Variants in SH3PXD2B observed in about 807,000 individuals in gnomAD.
SH3PXD2B encodes the protein SH3 and PX domain-containing protein 2B.
SH3PXD2B carries 37 observed loss-of-function variants against 73.1 expected under a neutral mutation model. The observed-to-expected ratio is 0.51, with a 90% confidence interval of 0.39 to 0.67. The LOEUF (loss-of-function observed/expected upper bound fraction) is 0.67, where lower values mean the gene tolerates loss of function less well. Ranked by LOEUF, SH3PXD2B falls within the 30% of genes least tolerant of loss-of-function variation. The probability of loss-of-function intolerance (pLI) is 0.00; values close to 1 mark genes in which losing one functional copy is unlikely to be tolerated. For synonymous variants in SH3PXD2B, 457 were observed against 480.5 expected (o/e 0.95, Z 0.64); for missense variants, 1,053 against 1,197.8 (o/e 0.88, Z 1.78).
intron 4 of SH3PXD2B, among the ~76,000 whole-genome samples, chr5:172,390,999 G>T (rs900218083): frequency 6.6e-6 from 1 of 151,968 alleles, no homozygotes; most frequent in South Asian, 2.1e-4. Flanking sequence ...GCGCCACCTC[G>T]CCTGGCTAAT....
chr5:172,337,986 T>C lies in SH3PXD2B; in HGVS notation c.*383A>G, dbSNP rs1270017625. 20 of 1,151,134 alleles carry C rather than the reference T, an allele frequency of 1.7e-5. No individual in the cohort carries two copies. Among genetic ancestry groups the C allele is most frequent in the Admixed American group, 4.4e-5 (1 of 22,626 alleles). The allele number at this position is 1,151,134 out of a possible 1,614,324, so 71.3% of individuals were successfully genotyped here. On this transcript the variant is annotated 3_prime_UTR_variant, in exon 13 of 13. Coordinates refer to ENST00000311601, the MANE Select transcript of SH3PXD2B (RefSeq NM_001017995.3). ...GGGTTGGCTGCCCCTTACTGTGCCATGTCCAAGCCATGAGAGACCCTTGCT... is the reference window on the plus strand; with the variant it reads ...GGGTTGGCTGCCCCTTACTGTGCCACGTCCAAGCCATGAGAGACCCTTGCT...
intron 11 of SH3PXD2B, among the ~76,000 whole-genome samples, chr5:172,346,731 G>A (rs749690898): frequency 5.3e-5 from 8 of 151,892 alleles, no homozygotes; most frequent in South Asian, 2.1e-4. Context: ...TGAGGCAATC[G>A]GCACGCTGCA....
chr5:172,332,817 C>T (rs944950729), downstream of SH3PXD2B, among the ~76,000 whole-genome samples: 1 of 152,040 alleles, frequency 6.6e-6, no homozygotes, highest in African/African-American at 2.4e-5. Context: ...TGGGCACTGC[C>T]TTTGGGAAAG....
rs1181970993 is a variant in SH3PXD2B at position 172,335,917 on chromosome 5, A to C, written c.*2452T>G. The C allele has an allele frequency of 7.6e-6, 9 of 1,190,160 alleles. No homozygotes were observed. The highest frequency in any genetic ancestry group is 7.2e-5 in the East Asian group (2 of 27,746). The allele number at this position is 1,190,160 out of a possible 1,614,324, so 73.7% of individuals were successfully genotyped here. On this transcript the variant is annotated 3_prime_UTR_variant, in exon 13 of 13. Transcript: ENST00000311601. ...CAGTACCCGCGGGTCATGTCAGAATAATCATCATCATCATAGCAAAAGAGA... is the reference window on the plus strand; with the variant it reads ...CAGTACCCGCGGGTCATGTCAGAATCATCATCATCATCATAGCAAAAGAGA...
intron 4 of SH3PXD2B, among the ~76,000 whole-genome samples, chr5:172,388,314 T>C (rs1449347635): frequency 1.3e-5 from 2 of 152,210 alleles, no homozygotes. Flanking sequence ...TAGATCAAAT[T>C]GGCTTCAGTT....
At chr5:172,418,651 T>G (rs2113457138) in intron 2 of SH3PXD2B, among the ~76,000 whole-genome samples, 1 of 152,220 alleles carries the variant, frequency 6.6e-6, no homozygotes, top group Non-Finnish European at 1.5e-5. Flanking sequence ...GGGGTGTGTG[T>G]GGGGGAGGAG....
chr5:172,389,011 A>C (rs936804257), intron 4 of SH3PXD2B, among the ~76,000 whole-genome samples: 1 of 152,080 alleles, frequency 6.6e-6, no homozygotes, highest in Non-Finnish European at 1.5e-5. Context: ...TCTGGCTCTA[A>C]GAAACACACA....
intron 4 of SH3PXD2B, among the ~76,000 whole-genome samples, chr5:172,383,977 G>A (rs1758003448): frequency 6.6e-6 from 1 of 151,890 alleles, no homozygotes. Context: ...CTCCCTAGTA[G>A]CTGGGATTAC....
At chr5:172,378,770 C>G (rs1757875851) in intron 5 of SH3PXD2B, among the ~76,000 whole-genome samples, 1 of 152,184 alleles carries the variant, frequency 6.6e-6, no homozygotes, top group South Asian at 2.1e-4. Flanking sequence ...TCTTACCCAG[C>G]TTGAAAGTGG....
intron 5 of SH3PXD2B, among the ~76,000 whole-genome samples, chr5:172,376,717 T>G (rs1757830362): frequency 6.6e-6 from 1 of 152,024 alleles, no homozygotes; most frequent in Non-Finnish European, 1.5e-5. Flanking sequence ...AGGGTCAGAG[T>G]GGAATGTCCT....
chr5:172,383,467 T>A (rs1581295168), intron 4 of SH3PXD2B, among the ~76,000 whole-genome samples: 1 of 152,346 alleles, frequency 6.6e-6, no homozygotes, highest in South Asian at 2.1e-4. Context: ...CAGGGTACAC[T>A]CTGCTCGTTG....
intron 5 of SH3PXD2B, among the ~76,000 whole-genome samples, chr5:172,379,565 G>A (rs1757896838): frequency 6.6e-6 from 1 of 152,198 alleles, no homozygotes; most frequent in Non-Finnish European, 1.5e-5. Flanking sequence ...TTTCCCTGCT[G>A]AGGGTATATC....
chr5:172,348,869 G>A (rs918542111), intron 10 of SH3PXD2B, among the ~76,000 whole-genome samples: 2 of 151,942 alleles, frequency 1.3e-5, no homozygotes, highest in African/African-American at 4.8e-5. Flanking sequence ...ACCACGCCCA[G>A]CTAATTAAAA....
chr5:172,411,429 A>G (rs182658912), intron 2 of SH3PXD2B, among the ~76,000 whole-genome samples: 1 of 146,094 alleles, frequency 6.8e-6, no homozygotes, highest in East Asian at 2.1e-4. Flanking sequence ...AGCATGGCCC[A>G]AGGAGCTGAA....
chr5:172,366,286 G>A (rs77682689), intron 6 of SH3PXD2B, among the ~76,000 whole-genome samples: 552 of 152,268 alleles, frequency 3.6e-3, no homozygotes, highest in Non-Finnish European at 6.1e-3. Flanking sequence ...CTGGGGCCAG[G>A]GGAGGGGAGG....
chr5:172,414,257 C>A (rs1292133875), intron 2 of SH3PXD2B, among the ~76,000 whole-genome samples: 1 of 151,868 alleles, frequency 6.6e-6, no homozygotes, highest in African/African-American at 2.4e-5. Flanking sequence ...TTGCTTGAGG[C>A]CAGGAGTTCA....
In SH3PXD2B at chr5:172,368,630, A is replaced by AC. The variant is rs1554137059; in HGVS notation, c.427+5159_427+5160insG. 1.1e-3 allele frequency among the ~76,000 whole-genome samples: 13 copies of AC among 11,554 alleles called. 2 individuals carry two copies. The highest frequency in any genetic ancestry group is 1.4e-3 in the African/African-American group (2 of 1,462). 7.6% of individuals were successfully genotyped at this position (11,554 alleles called of 152,430 possible). A position where few individuals can be genotyped will look rare whatever the true frequency, so the allele number is the denominator to read the frequency against. On this transcript the variant is annotated intron_variant, in intron 6 of 12. Coordinates refer to ENST00000311601, the MANE Select transcript of SH3PXD2B (RefSeq NM_001017995.3). ...TAATATATATGTTATATATATATAT[A>AC]ATATATATGTTATATATATAAAATA... is the stretch of plus-strand genomic sequence containing the variant.
downstream of SH3PXD2B, among the ~76,000 whole-genome samples, chr5:172,332,292 C>T (rs1366040420): frequency 6.9e-6 from 1 of 144,468 alleles, no homozygotes; most frequent in African/African-American, 2.6e-5. Flanking sequence ...CTTGCTCTGT[C>T]ATCCAGGCTG....
intron 4 of SH3PXD2B, among the ~76,000 whole-genome samples, chr5:172,392,486 T>C (rs1044834320): frequency 5.3e-5 from 8 of 152,134 alleles, no homozygotes; most frequent in Non-Finnish European, 8.8e-5. Context: ...AGACTATCCT[T>C]TTCGGCCCAG....
Sources: allele counts gnomAD v4.1 joint callset (sites outside exome capture counted in the v4.1 genomes callset), GRCh38; gene constraint gnomAD v4.1.1; transcripts MANE v1.5; gene names NCBI Gene and HGNC (gene_info 2026-07-23, HGNC 2026-07-21).